Variants in SIK3 observed in about 807,000 individuals in gnomAD.
SIK3 encodes the protein serine/threonine-protein kinase SIK3.
In SIK3, 28 loss-of-function variants were observed where a neutral mutation model predicts 144.2. The observed-to-expected ratio is 0.19, with a 90% CI of 0.14 to 0.27. The LOEUF (loss-of-function observed/expected upper bound fraction) is 0.27. Among genes scored for constraint, SIK3 ranks in the 10% least tolerant of loss-of-function variants. The pLI is 1.00. For synonymous variants in SIK3, 686 were observed against 676.3 expected, an observed-to-expected ratio of 1.01 and a Z score of -0.22; for missense variants, 1,319 against 1,776.0, an observed-to-expected ratio of 0.74 and a Z score of 4.62.
chr11:117,003,552 G>C (rs866456307), intron 1 of SIK3, among the ~76,000 whole-genome samples: 2 of 151,986 alleles, frequency 1.3e-5, no homozygotes, highest in Admixed American at 6.6e-5. Flanking sequence ...GCACTTTGAC[G>C]GGGCGGAGGC....
intron 1 of SIK3, among the ~76,000 whole-genome samples, chr11:117,032,674 CTTTT>C (rs11300316): frequency 7.2e-6 from 1 of 139,856 alleles, no homozygotes. Context: ...CCCACCTTTT[CTTTT>C]TTTTTTTTTT....
chr11:117,020,530 C>G (rs1951727134), intron 1 of SIK3, among the ~76,000 whole-genome samples: 1 of 152,136 alleles, frequency 6.6e-6, no homozygotes, highest in African/African-American at 2.4e-5. Flanking sequence ...ACAGTTAGAA[C>G]TCAAAACCCC....
chr11:116,896,871 C>CA (rs1291895850), intron 5 of SIK3, among the ~76,000 whole-genome samples: 11 of 151,988 alleles, frequency 7.2e-5, no homozygotes, highest in Non-Finnish European at 1.5e-4. Flanking sequence ...ATTAAAAATA[C>CA]AAAAAATTAG....
intron 4 of SIK3, among the ~76,000 whole-genome samples, chr11:116,909,401 G>A (rs1434168796): frequency 6.6e-6 from 1 of 152,030 alleles, no homozygotes; most frequent in Non-Finnish European, 1.5e-5. Context: ...TTGGGGGAAG[G>A]ATATGGTTGT....
chr11:116,985,676 G>A (rs1950303327), intron 1 of SIK3, among the ~76,000 whole-genome samples: 1 of 152,108 alleles, frequency 6.6e-6, no homozygotes, highest in South Asian at 2.1e-4. Flanking sequence ...ATGATACTAA[G>A]AAAACTGGGT....
chr11:116,940,865 T>C (rs1286396102), intron 3 of SIK3, among the ~76,000 whole-genome samples: 1 of 151,706 alleles, frequency 6.6e-6, no homozygotes, highest in Non-Finnish European at 1.5e-5. Context: ...AAAAAATGAA[T>C]AATAATAAAT....
At chr11:117,019,873 G>A (rs1348853600) in intron 1 of SIK3, among the ~76,000 whole-genome samples, 1 of 151,630 alleles carries the variant, frequency 6.6e-6, no homozygotes, top group Non-Finnish European at 1.5e-5. Context: ...CTTCAGATTG[G>A]TCAACAGAGA....
In SIK3 at chr11:116,858,650, G is replaced by A. The variant is rs1332367865; in HGVS notation, c.2815C>T (p.His939Tyr). The A allele has an allele frequency of 4.4e-6, 7 of 1,583,102 alleles. No individual in the cohort carries two copies. In the East Asian group the frequency reaches 1.3e-4, roughly 30 times the overall value. The change falls in exon 21 of 25, where the codon CAC becomes TAC. Residue 939 changes from histidine (H) to tyrosine (Y), a missense_variant. Around this residue, in one of 8 missense-constraint regions of SIK3, gnomAD observed 646 missense variants for 763.7 expected, o/e 0.85. Transcript: ENST00000445177. The surrounding 1 kb of genome is among the most constrained non-coding windows in gnomAD (Gnocchi z 5.4). ...SPANYDQAHL[H>Y]PHLFSDQSRG... ...GACTGGTCCGAAAACAGATGGGGGT[G>A]TAAATGCGCCTGGTCGTAGTTAGCA...
At chr11:116,999,759 A>G (rs941193677) in intron 1 of SIK3, among the ~76,000 whole-genome samples, 1 of 152,186 alleles carries the variant, frequency 6.6e-6, no homozygotes, top group African/African-American at 2.4e-5. Context: ...TCTAAACAAC[A>G]TTGCAGTAAA....
rs1178294013 is a variant in SIK3 at position 116,846,984 on chromosome 11, T to G, written c.3953-431A>C. Among the ~76,000 whole-genome samples, 2 of 152,092 alleles carry G rather than the reference T, an allele frequency of 1.3e-5. No individual in the cohort carries two copies. The highest frequency in any genetic ancestry group is 1.9e-4 in the East Asian group (1 of 5,176). ...AAGCCAGCCAGCCCTCAGGGCACAA[T>G]GTAGGATAAAGGCTCTATCGTTTTT... On this transcript the variant is annotated intron_variant, in intron 23 of 24. Transcript: ENST00000445177. This position sits in a 1 kb window ranked among gnomAD's most constrained non-coding sequence, Gnocchi z 4.1.
At chr11:116,948,129 T>G (rs1438035598) in intron 3 of SIK3, among the ~76,000 whole-genome samples, 3 of 151,120 alleles carry the variant, frequency 2.0e-5, no homozygotes, top group African/African-American at 7.3e-5. Flanking sequence ...GTAGAGATGG[T>G]GTTTCACCAT....
chr11:117,088,814 C>A (rs972249921), intron 1 of SIK3, among the ~76,000 whole-genome samples: 17 of 151,712 alleles, frequency 1.1e-4, no homozygotes, highest in African/African-American at 4.1e-4. Flanking sequence ...GTAGCTGGGA[C>A]CACAGGCATG....
intron 6 of SIK3, among the ~76,000 whole-genome samples, chr11:116,877,374 G>T (rs962177097): frequency 1.3e-5 from 2 of 152,164 alleles, no homozygotes; most frequent in African/African-American, 2.4e-5. Context: ...ATGAAGAGTA[G>T]AATGGCCTCT....
chr11:116,882,690 C>T (rs1944608941), intron 6 of SIK3, among the ~76,000 whole-genome samples: 1 of 152,114 alleles, frequency 6.6e-6, no homozygotes, highest in African/African-American at 2.4e-5. Flanking sequence ...CTTACAGGTG[C>T]TCAGAAGAAG....
In SIK3 at chr11:116,844,647, T is replaced by TATATGTG. The variant is rs1565345789; in HGVS notation, c.*995_*996insCACATAT. On this transcript the variant is annotated 3_prime_UTR_variant, in exon 25 of 25. Coordinates refer to ENST00000445177, the MANE Select transcript of SIK3 (RefSeq NM_001366686.3). ...TATATATAATATATTATATTATATA[T>TATATGTG]TATATATATAATATATATATACACA... is the stretch of plus-strand genomic sequence containing the variant. 7.2e-3 allele frequency: 790 copies of TATATGTG among 109,506 alleles called. 16 individuals carry two copies. The highest frequency in any genetic ancestry group is 0.026 in the African/African-American group (733 of 28,342). The allele number at this position is 109,506 out of a possible 1,614,324, so 6.8% of individuals were successfully genotyped here.
chr11:116,982,541 G>A (rs2135518805), intron 1 of SIK3, among the ~76,000 whole-genome samples: 1 of 152,128 alleles, frequency 6.6e-6, no homozygotes, highest in East Asian at 1.9e-4. Context: ...GCCCACCTCG[G>A]CTTCCCAAAG....
chr11:116,904,109 A>G (rs1254330316), intron 4 of SIK3, among the ~76,000 whole-genome samples: 1 of 152,166 alleles, frequency 6.6e-6, no homozygotes, highest in Non-Finnish European at 1.5e-5. Context: ...GAACTCTTCC[A>G]ATGGGAATAG....
At chr11:117,096,294 A>G (rs545537836) in intron 1 of SIK3, among the ~76,000 whole-genome samples, 1 of 152,378 alleles carries the variant, frequency 6.6e-6, no homozygotes, top group South Asian at 2.1e-4. Context: ...TCATGAAACC[A>G]TAAACCAGGC....
At chr11:116,909,892 A>G (rs1387745223) in intron 4 of SIK3, among the ~76,000 whole-genome samples, 1 of 152,218 alleles carries the variant, frequency 6.6e-6, no homozygotes, top group Non-Finnish European at 1.5e-5. Context: ...GATCTCAACT[A>G]AAGTTTTTGT....
Sources: gnomAD v4.1 joint callset for allele counts (sites outside exome capture counted in the v4.1 genomes callset) on GRCh38, gnomAD v4.1.1 for gene constraint, gnomAD v4.1.1 regional missense constraint, Gnocchi (gnomAD v3.1) non-coding constraint, MANE v1.5 for transcripts, NCBI Gene and HGNC (gene_info 2026-07-23, HGNC 2026-07-21) for gene names.